The following SHISA6 variants were observed in gnomAD, a reference collection of about 807,000 sequenced individuals.
SHISA6 encodes shisa family member 6, also known as protein shisa-6.
A neutral mutation model predicts 47.9 loss-of-function variants in SHISA6; 22 were observed. That is an observed-to-expected ratio of 0.46 (90% CI 0.33 to 0.66). The LOEUF (loss-of-function observed/expected upper bound fraction) is 0.66. SHISA6 is among the 30% of genes least tolerant of loss of function. The pLI is 0.02. For missense variants in SHISA6, 680 were observed against 764.6 expected (o/e 0.89, Z 1.30); for synonymous variants, 388 against 337.8 (o/e 1.15, Z -1.63).
intron 3 of SHISA6, among the ~76,000 whole-genome samples, chr17:11,383,172 A>G (rs1413934904): frequency 2.0e-5 from 3 of 152,070 alleles, no homozygotes; most frequent in African/African-American, 4.8e-5. Flanking sequence ...TCCTGACCTC[A>G]GGTGATCTGC....
At chr17:11,557,403 A>T (rs2071992283) in intron 5 of SHISA6, among the ~76,000 whole-genome samples, 1 of 152,156 alleles carries the variant, frequency 6.6e-6, no homozygotes, top group South Asian at 2.1e-4. Context: ...TGCCCTGAAC[A>T]CACTGGGGAT....
At chr17:11,255,761 C>T (rs1907983745) in intron 1 of SHISA6, among the ~76,000 whole-genome samples, 2 of 152,166 alleles carry the variant, frequency 1.3e-5, no homozygotes, top group Non-Finnish European at 2.9e-5. Context: ...AAGAGTGTTG[C>T]CAGTTTGGCA....
intron 2 of SHISA6, among the ~76,000 whole-genome samples, chr17:11,286,877 T>C (rs1163812987): frequency 6.6e-6 from 1 of 152,200 alleles, no homozygotes; most frequent in African/African-American, 2.4e-5. Context: ...CTTATCAGAA[T>C]GATAGAAAAG....
chr17:11,396,749 G>T (rs553442983), intron 3 of SHISA6, among the ~76,000 whole-genome samples: 1 of 152,134 alleles, frequency 6.6e-6, no homozygotes. Context: ...TTGGGGGTTG[G>T]GGGGCAAGGG....
intron 2 of SHISA6, among the ~76,000 whole-genome samples, chr17:11,343,882 T>C (rs1180961208): frequency 2.0e-5 from 3 of 152,182 alleles, no homozygotes; most frequent in African/African-American, 7.2e-5. Flanking sequence ...GCAGACAGGG[T>C]TTCACCATGT....
chr17:11,533,167 C>T (rs1289006940), intron 3 of SHISA6, among the ~76,000 whole-genome samples: 1 of 152,164 alleles, frequency 6.6e-6, no homozygotes, highest in Non-Finnish European at 1.5e-5. Flanking sequence ...CTACCTGGCC[C>T]TTTGCTCATT....
At chr17:11,301,332 G>A (rs1909921504) in intron 2 of SHISA6, among the ~76,000 whole-genome samples, 1 of 152,116 alleles carries the variant, frequency 6.6e-6, no homozygotes. Context: ...TTCCCCAGGT[G>A]GGTAAATAAT....
At chr17:11,365,989 G>A (rs1284499511) in intron 2 of SHISA6, among the ~76,000 whole-genome samples, 1 of 152,184 alleles carries the variant, frequency 6.6e-6, no homozygotes, top group African/African-American at 2.4e-5. Context: ...CAGGAAGAGG[G>A]AACTGCAAGT....
chr17:11,256,951 A>G (rs2142141352), intron 1 of SHISA6, among the ~76,000 whole-genome samples: 1 of 152,288 alleles, frequency 6.6e-6, no homozygotes, highest in East Asian at 1.9e-4. Flanking sequence ...TGCCTGAAAA[A>G]CAAAACAGGC....
chr17:11,515,002 G>A (rs111949308), intron 3 of SHISA6, among the ~76,000 whole-genome samples: 15 of 152,238 alleles, frequency 9.9e-5, no homozygotes, highest in African/African-American at 2.2e-4. Flanking sequence ...GGGGTACAAG[G>A]GGCTGCAAAG....
chr17:11,419,175 C>A lies in SHISA6; in HGVS notation c.895+39666C>A, dbSNP rs575684846. Among the ~76,000 whole-genome samples, 28 of 151,630 alleles carry A rather than the reference C, an allele frequency of 1.8e-4. No individual in the cohort carries two copies. In the South Asian group the frequency reaches 4.8e-3, roughly 26 times the overall value. On this transcript the variant is annotated intron_variant, in intron 3 of 5. Transcript: ENST00000441885. ...GGCACATGTATACATATGTAACAAACCTGCATGTTGTGCACATGTACCCTA... is the reference window on the plus strand; with the variant it reads ...GGCACATGTATACATATGTAACAAAACTGCATGTTGTGCACATGTACCCTA...
intron 2 of SHISA6, among the ~76,000 whole-genome samples, chr17:11,349,279 T>C (rs1911794290): frequency 6.6e-6 from 1 of 152,184 alleles, no homozygotes; most frequent in Non-Finnish European, 1.5e-5. Context: ...CCAAAGGTAT[T>C]ATTTTGTTCA....
At chr17:11,316,160 T>TTA (rs34646501) in intron 2 of SHISA6, among the ~76,000 whole-genome samples, 6,042 of 149,702 alleles carry the variant, frequency 0.04, 410 homozygotes, top group African/African-American at 0.14. Context: ...ATAGTGTTTT[T>TTA]AAAAAAAAAA....
chr17:11,295,259 G>A (rs887200546), intron 2 of SHISA6, among the ~76,000 whole-genome samples: 2 of 152,276 alleles, frequency 1.3e-5, no homozygotes, highest in African/African-American at 4.8e-5. Context: ...TCTTCTCTTG[G>A]AGTACCATAG....
intron 3 of SHISA6, among the ~76,000 whole-genome samples, chr17:11,398,216 T>G (rs1233579555): frequency 6.6e-6 from 1 of 152,222 alleles, no homozygotes; most frequent in Admixed American, 6.5e-5. Flanking sequence ...TATTCATATT[T>G]TTATCCCTTT....
chr17:11,557,609 C>A, intron 5 of SHISA6, 145 bp from the exon 6 acceptor site: 1 of 792,972 alleles, frequency 1.3e-6, no homozygotes, highest in Non-Finnish European at 2.0e-6. Context: ...CCCGTCTGTC[C>A]TAATCCATAA....
At chr17:11,433,220 A>T (rs1347259748) in intron 3 of SHISA6, among the ~76,000 whole-genome samples, 2 of 147,958 alleles carry the variant, frequency 1.4e-5, no homozygotes, top group Non-Finnish European at 3.0e-5. Context: ...TTCTAATGCT[A>T]TCCCTCCCCC....
At chr17:11,262,898 G>T (rs187440054) in intron 1 of SHISA6, among the ~76,000 whole-genome samples, 289 of 152,276 alleles carry the variant, frequency 1.9e-3, no homozygotes, top group Non-Finnish European at 1.3e-3. Flanking sequence ...GCTGTGTGTT[G>T]TACTTATTTG....
chr17:11,366,804 T>C (rs1388101264), intron 2 of SHISA6, among the ~76,000 whole-genome samples: 1 of 151,982 alleles, frequency 6.6e-6, no homozygotes, highest in Non-Finnish European at 1.5e-5. Flanking sequence ...GGAGAAATGG[T>C]GTATGTGGAG....
Sources: gnomAD v4.1 joint callset for allele counts (sites outside exome capture counted in the v4.1 genomes callset) on GRCh38, gnomAD v4.1.1 for gene constraint, MANE v1.5 for transcripts, NCBI Gene and HGNC (gene_info 2026-07-23, HGNC 2026-07-21) for gene names.